RANBP2: variants seen among roughly 807,000 people sequenced by gnomAD.
RANBP2 encodes E3 SUMO-protein ligase RanBP2.
RANBP2 carries 57 observed loss-of-function variants against 303.6 expected under a neutral mutation model. The ratio of observed to expected loss-of-function variants is 0.19; its 90% CI spans 0.15 to 0.23. The LOEUF is 0.23. Among genes scored for constraint, RANBP2 ranks in the 10% least tolerant of loss-of-function variants. The pLI is 1.00. For synonymous variants in RANBP2, 1,167 were observed against 1,301.5 expected (o/e 0.90, Z 2.23); for missense variants, 3,138 against 3,780.8 (o/e 0.83, Z 4.46).
the RANBP2 span, among the ~76,000 whole-genome samples, chr2:109,200,260 C>CT: frequency 6.6e-6 from 1 of 152,144 alleles, no homozygotes; most frequent in East Asian, 1.9e-4. Context: ...GTAGTTGGGG[C>CT]TTTCAGCAAG....
chr2:109,067,484 G>A, the RANBP2 span, among the ~76,000 whole-genome samples: 1 of 152,198 alleles, frequency 6.6e-6, no homozygotes, highest in Non-Finnish European at 1.5e-5. Flanking sequence ...CACCATCCCA[G>A]GGTCTCGGGA....
At chr2:109,388,408 C>A in the RANBP2 span, among the ~76,000 whole-genome samples, 40 of 152,300 alleles carry the variant, frequency 2.6e-4, no homozygotes, top group African/African-American at 9.6e-4. Flanking sequence ...AGCTCACAAC[C>A]AGCAGCAGGT....
At chr2:109,667,397 A>C in the RANBP2 span, 1 of 429,728 alleles carries the variant, frequency 2.3e-6, no homozygotes, top group Non-Finnish European at 4.2e-6. Context: ...AGGGGATGAG[A>C]CCAGAGTTAT....
the RANBP2 span, among the ~76,000 whole-genome samples, chr2:108,848,645 G>A: frequency 4.6e-5 from 7 of 152,154 alleles, no homozygotes; most frequent in African/African-American, 1.7e-4. Flanking sequence ...GGAAGTGTTA[G>A]GGAAATTTAT....
the RANBP2 span, among the ~76,000 whole-genome samples, chr2:109,282,253 T>C: frequency 6.6e-6 from 1 of 152,248 alleles, no homozygotes; most frequent in Non-Finnish European, 1.5e-5. Flanking sequence ...TAGGGAGATA[T>C]TGGCTTTGAG....
the RANBP2 span, chr2:109,546,339 A>C: frequency 1.5e-6 from 1 of 656,818 alleles, no homozygotes; most frequent in South Asian, 3.0e-5. Context: ...GCAACACAGA[A>C]TAACCTACAC....
At chr2:109,432,507 G>C in the RANBP2 span, 1 of 1,613,364 alleles carries the variant, frequency 6.2e-7, no homozygotes, top group South Asian at 1.1e-5. Flanking sequence ...GCAGGTACCT[G>C]GCGCTCTACG....
chr2:109,501,466 G>A, the RANBP2 span: 1 of 759,066 alleles, frequency 1.3e-6, no homozygotes, highest in Admixed American at 1.8e-5. Flanking sequence ...GATGGAGATT[G>A]TCTGTGTGGG....
the RANBP2 span, among the ~76,000 whole-genome samples, chr2:109,489,878 C>T: frequency 6.6e-6 from 1 of 152,198 alleles, no homozygotes; most frequent in African/African-American, 2.4e-5. Context: ...TCTGGGATTA[C>T]AGGCAAGTGC....
the RANBP2 span, among the ~76,000 whole-genome samples, chr2:109,344,840 C>T: frequency 2.0e-5 from 3 of 152,156 alleles, no homozygotes; most frequent in African/African-American, 7.2e-5. Flanking sequence ...CAGACAGCCT[C>T]TAGGAGCTTG....
At chr2:109,041,977 A>C in the RANBP2 span, among the ~76,000 whole-genome samples, 1 of 152,178 alleles carries the variant, frequency 6.6e-6, no homozygotes, top group Non-Finnish European at 1.5e-5. Flanking sequence ...CATTGTTAGA[A>C]TAAACATAAA....
At chr2:109,405,425 T>C in the RANBP2 span, among the ~76,000 whole-genome samples, 1 of 152,170 alleles carries the variant, frequency 6.6e-6, no homozygotes, top group Non-Finnish European at 1.5e-5. Flanking sequence ...GCCTTCAGAC[T>C]GGCCCTTGGT....
At chr2:108,902,609 C>G in the RANBP2 span, among the ~76,000 whole-genome samples, 2 of 152,084 alleles carry the variant, frequency 1.3e-5, no homozygotes, top group African/African-American at 4.8e-5. Flanking sequence ...ACCAAGATCT[C>G]TCATGAATAT....
chr2:109,463,315 C>T, the RANBP2 span, among the ~76,000 whole-genome samples: 15 of 152,342 alleles, frequency 9.8e-5, no homozygotes, highest in East Asian at 3.9e-4. Flanking sequence ...ACTTGTCTCA[C>T]GGTATTACCA....
the RANBP2 span, among the ~76,000 whole-genome samples, chr2:109,233,171 C>T: frequency 6.6e-6 from 1 of 152,206 alleles, no homozygotes; most frequent in Non-Finnish European, 1.5e-5. Context: ...GCTCAGTGGA[C>T]AGTCAGGGTG....
chr2:108,743,634 C>G (rs1457168233), intron 7 of RANBP2, among the ~76,000 whole-genome samples: 2 of 152,326 alleles, frequency 1.3e-5, no homozygotes, highest in Admixed American at 1.3e-4. Context: ...ACTCAGGTCT[C>G]CTTTCCTAGA....
At chr2:109,204,229 G>C in the RANBP2 span, among the ~76,000 whole-genome samples, 1 of 152,202 alleles carries the variant, frequency 6.6e-6, no homozygotes, top group East Asian at 1.9e-4. Flanking sequence ...TGTCTGTCTT[G>C]GGTGAACCAT....
downstream of RANBP2, chr2:108,786,813 G>C (rs747839391): frequency 2.2e-5 from 35 of 1,584,462 alleles, no homozygotes; most frequent in South Asian, 3.9e-4. Context: ...TGGTACGGTT[G>C]CTGTGTGCTA....
chr2:109,194,087 T>TA, the RANBP2 span, among the ~76,000 whole-genome samples: 2 of 152,318 alleles, frequency 1.3e-5, no homozygotes, highest in East Asian at 3.9e-4. Context: ...GATATTCTGA[T>TA]AAAAACTCCC....
Sources: gnomAD v4.1 joint callset for allele counts (sites outside exome capture counted in the v4.1 genomes callset) on GRCh38, gnomAD v4.1.1 for gene constraint, MANE v1.5 for transcripts, NCBI Gene and HGNC (gene_info 2026-07-23, HGNC 2026-07-21) for gene names.